The following GRM8 variants were observed in gnomAD, a reference collection of about 807,000 sequenced individuals.
GRM8 encodes the protein metabotropic glutamate receptor 8.
In GRM8, 47 loss-of-function variants were observed where a neutral mutation model predicts 87.2. The ratio of observed to expected loss-of-function variants is 0.54; its 90% CI spans 0.43 to 0.69. The LOEUF (loss-of-function observed/expected upper bound fraction) is 0.69. Among genes scored for constraint, GRM8 ranks in the 30% least tolerant of loss-of-function variants. The pLI is 0.00. For synonymous variants in GRM8, 396 were observed against 404.5 expected, an observed-to-expected ratio of 0.98 and a Z score of 0.25; for missense variants, 1,019 against 1,139.2, an observed-to-expected ratio of 0.89 and a Z score of 1.52.
chr7:127,229,621 TA>T (rs1157264935), intron 2 of GRM8: 2 of 152,228 alleles, frequency 1.3e-5, no homozygotes, highest in Non-Finnish European at 2.9e-5. Context: ...TAGGTGGGGT[TA>T]ACCAGGGTAG....
intron 3 of GRM8, among the ~76,000 whole-genome samples, chr7:127,081,532 G>GTC (rs577187249): frequency 5.9e-5 from 9 of 152,256 alleles, no homozygotes; most frequent in Admixed American, 2.6e-4. Flanking sequence ...GTTAATGCCT[G>GTC]TCTCTCTCCC....
chr7:126,933,105 C>G (rs1403480020), intron 3 of GRM8, among the ~76,000 whole-genome samples: 2 of 152,180 alleles, frequency 1.3e-5, no homozygotes, highest in Non-Finnish European at 2.9e-5. Context: ...CCTAGAAAGA[C>G]CCATCCTCTC....
intron 6 of GRM8, among the ~76,000 whole-genome samples, chr7:126,780,853 T>G (rs528613065): frequency 1.6e-3 from 240 of 151,846 alleles, no homozygotes; most frequent in Non-Finnish European, 2.7e-3. Context: ...AAAAGAGCAC[T>G]GAGTCAAGAG....
intron 7 of GRM8, among the ~76,000 whole-genome samples, chr7:126,727,726 C>CAA (rs1429946165): frequency 6.6e-6 from 1 of 151,556 alleles, no homozygotes; most frequent in African/African-American, 2.4e-5. Context: ...CACACACACA[C>CAA]ACACACACAC....
chr7:126,467,094 A>G (rs985063763), intron 9 of GRM8, among the ~76,000 whole-genome samples: 2 of 151,930 alleles, frequency 1.3e-5, no homozygotes, highest in South Asian at 2.1e-4. Context: ...TGCTGCACCC[A>G]TCAACCCATC....
chr7:126,929,331 G>A (rs115890022), intron 3 of GRM8, among the ~76,000 whole-genome samples: 2,422 of 152,318 alleles, frequency 0.016, 62 homozygotes, highest in African/African-American at 0.055. Flanking sequence ...TTCTATAGCT[G>A]TGCTGTTGAA....
chr7:126,819,071 C>A (rs1563216620), intron 6 of GRM8, among the ~76,000 whole-genome samples: 1 of 152,156 alleles, frequency 6.6e-6, no homozygotes, highest in Non-Finnish European at 1.5e-5. Context: ...TCTGAGGGAT[C>A]TCCCGTTTCT....
chr7:126,713,191 CA>C (rs1194952713), intron 7 of GRM8, among the ~76,000 whole-genome samples: 1 of 152,032 alleles, frequency 6.6e-6, no homozygotes, highest in Non-Finnish European at 1.5e-5. Flanking sequence ...GACTTGGAAC[CA>C]AATCAAATGC....
At chr7:126,733,282 G>A (rs1306284225) in intron 7 of GRM8, among the ~76,000 whole-genome samples, 1 of 151,666 alleles carries the variant, frequency 6.6e-6, no homozygotes, top group Admixed American at 6.6e-5. Flanking sequence ...TGTAATAAAA[G>A]AAAGATTAGC....
intron 9 of GRM8, among the ~76,000 whole-genome samples, chr7:126,456,452 C>A (rs111824247): frequency 2.9e-5 from 4 of 135,924 alleles, no homozygotes; most frequent in Non-Finnish European, 6.2e-5. Flanking sequence ...AGAAGTAAAC[C>A]GGGTATTTTA....
intron 3 of GRM8, among the ~76,000 whole-genome samples, chr7:127,016,853 T>C (rs566181196): frequency 6.6e-6 from 1 of 152,220 alleles, no homozygotes; most frequent in Non-Finnish European, 1.5e-5. Flanking sequence ...CTACAAATAC[T>C]AAAATAAAGT....
At chr7:126,839,774 C>T (rs2130562330) in intron 6 of GRM8, among the ~76,000 whole-genome samples, 1 of 152,294 alleles carries the variant, frequency 6.6e-6, no homozygotes, top group South Asian at 2.1e-4. Context: ...GTTCCCAAAA[C>T]TCTCGGCTCA....
chr7:127,227,761 T>C (rs1797429255), intron 2 of GRM8, among the ~76,000 whole-genome samples: 1 of 152,110 alleles, frequency 6.6e-6, no homozygotes. Context: ...TCTGGAACAA[T>C]AGGAAGCTCC....
chr7:126,442,284 C>T (rs1161463185), intron 10 of GRM8, among the ~76,000 whole-genome samples: 1 of 151,940 alleles, frequency 6.6e-6, no homozygotes, highest in Non-Finnish European at 1.5e-5. Flanking sequence ...ATATTTGTTA[C>T]ATTTGGTTTG....
At chr7:126,595,413 ATTTTATTTTATTT>A (rs201699451) in intron 8 of GRM8, among the ~76,000 whole-genome samples, 35,258 of 138,964 alleles carry the variant, frequency 0.25, 5,288 homozygotes, top group South Asian at 0.38. Context: ...ATTTTATTTT[ATTTTATTTTATTT>A]TATTATTTTA....
At chr7:126,738,923 A>G (rs1814582910) in intron 7 of GRM8, among the ~76,000 whole-genome samples, 1 of 152,020 alleles carries the variant, frequency 6.6e-6, no homozygotes, top group Admixed American at 6.6e-5. Context: ...AAGAAGGTTA[A>G]GTGTCTCAGA....
chr7:126,647,787 C>G (rs1803327260), intron 7 of GRM8, among the ~76,000 whole-genome samples: 1 of 152,122 alleles, frequency 6.6e-6, no homozygotes, highest in African/African-American at 2.4e-5. Context: ...GTTGAATCAC[C>G]ATTATCTCAC....
At chr7:126,845,991 TA>T (rs1343282444) in intron 6 of GRM8, among the ~76,000 whole-genome samples, 1 of 151,858 alleles carries the variant, frequency 6.6e-6, no homozygotes, top group Non-Finnish European at 1.5e-5. Context: ...ATTCTTCCTA[TA>T]AAAAATGGAA....
At chr7:126,935,782 C>T (rs915926092) in intron 3 of GRM8, among the ~76,000 whole-genome samples, 2 of 152,170 alleles carry the variant, frequency 1.3e-5, no homozygotes, top group Non-Finnish European at 2.9e-5. Context: ...ATATGTATAC[C>T]TTTGAAACCA....
Sources: allele counts gnomAD v4.1 joint callset (sites outside exome capture counted in the v4.1 genomes callset), GRCh38; gene constraint gnomAD v4.1.1; transcripts MANE v1.5; gene names NCBI Gene and HGNC (gene_info 2026-07-23, HGNC 2026-07-21).